Variants in CYFIP1 observed in about 807,000 individuals in gnomAD.
CYFIP1 encodes cytoplasmic FMR1 interacting protein 1.
Under a neutral mutation model 163.5 loss-of-function variants are expected in CYFIP1, and 58 were observed. The observed-to-expected ratio is 0.35, with a 90% CI of 0.29 to 0.44. The LOEUF (loss-of-function observed/expected upper bound fraction) is 0.44. Ranked by LOEUF, CYFIP1 falls within the 20% of genes least tolerant of loss-of-function variation. The probability of loss-of-function intolerance (pLI) is 1.00; values close to 1 mark genes in which losing one functional copy is unlikely to be tolerated. For missense variants in CYFIP1, 1,338 were observed against 1,653.8 expected, an observed-to-expected ratio of 0.81 and a Z score of 3.31; for synonymous variants, 663 against 660.7, an observed-to-expected ratio of 1.00 and a Z score of -0.05.
At chr15:22,913,605 T>TTA (rs1262181085) in intron 17 of CYFIP1, among the ~76,000 whole-genome samples, 7 of 66,994 alleles carry the variant, frequency 1.0e-4, no homozygotes, top group African/African-American at 4.2e-4. Context: ...TAGACAGCAT[T>TTA]AAAAAAAAAA....
chr15:22,951,484 G>A, intron 1 of CYFIP1: 1 of 1,289,034 alleles, frequency 7.8e-7, no homozygotes, highest in Middle Eastern at 2.4e-4. Flanking sequence ...GCCGCTCGGA[G>A]GGGCCAGGCT....
In CYFIP1 at chr15:22,874,733, T is replaced by C. The variant is rs932917833; in HGVS notation, c.3116-89A>G. On this transcript the variant is annotated intron_variant, in intron 27 of 30. Transcript: ENST00000617928. ...TTACATTTGTTTAAAAAACAAAAGA[T>C]TTTTAAGTTAACATTATGGATACAG... 3 of 848,724 alleles carry C rather than the reference T, an allele frequency of 3.5e-6. No homozygotes were observed. In the African/African-American group the frequency reaches 5.3e-5, roughly 15 times the overall value. 52.6% of individuals were successfully genotyped at this position (848,724 alleles called of 1,614,324 possible). A position where few individuals can be genotyped will look rare whatever the true frequency, so the allele number is the denominator to read the frequency against.
Position 22,883,135 on chromosome 15 carries a change from A to G in CYFIP1, c.2677-124T>C, listed in dbSNP as rs1421212106. On this transcript the variant is annotated intron_variant, in intron 23 of 30. Coordinates refer to ENST00000617928, the MANE Select transcript of CYFIP1 (RefSeq NM_014608.6). Reference sequence around the variant, plus strand: ...AGCGGGTCTGAGTCTACTGACTTGTAAAATCTACTGCCCTTAACTGGTACA... The same window carrying G: ...AGCGGGTCTGAGTCTACTGACTTGTGAAATCTACTGCCCTTAACTGGTACA... The G allele has an allele frequency of 2.2e-5, 25 of 1,123,670 alleles. No individual in the cohort carries two copies. The Middle Eastern group carries it at 6.6e-4, about 30-fold the overall frequency. 69.6% of individuals were successfully genotyped at this position (1,123,670 alleles called of 1,614,324 possible). A position where few individuals can be genotyped will look rare whatever the true frequency, so the allele number is the denominator to read the frequency against.
chr15:22,924,437 GGAAAATTATGCTAAGT>G (rs1299269183), intron 13 of CYFIP1, among the ~76,000 whole-genome samples: 1 of 151,956 alleles, frequency 6.6e-6, no homozygotes, highest in East Asian at 1.9e-4. Context: ...AAAAATAAAA[GGAAAATTATGCTAAGT>G]GAAAATTATG....
intron 27 of CYFIP1, among the ~76,000 whole-genome samples, chr15:22,874,902 T>G (rs1200795337): frequency 6.6e-6 from 1 of 152,178 alleles, no homozygotes; most frequent in African/African-American, 2.4e-5. Context: ...ACAATGAGCC[T>G]GTACCCATCA....
intron 1 of CYFIP1, among the ~76,000 whole-genome samples, chr15:22,962,012 C>T (rs977779483): frequency 1.3e-5 from 2 of 152,176 alleles, no homozygotes; most frequent in Admixed American, 6.5e-5. Context: ...AGTTTCTAAT[C>T]ATAGCCCCAG....
chr15:22,955,466 G>A (rs1331711519), intron 1 of CYFIP1, among the ~76,000 whole-genome samples: 2 of 152,222 alleles, frequency 1.3e-5, no homozygotes, highest in African/African-American at 4.8e-5. Flanking sequence ...CAGGACAGAG[G>A]CAGCATGGAG....
At chr15:22,877,979 C>A (rs547627592) in intron 26 of CYFIP1, among the ~76,000 whole-genome samples, 3 of 152,348 alleles carry the variant, frequency 2.0e-5, no homozygotes, top group Admixed American at 6.5e-5. Flanking sequence ...TCCCCAGAGG[C>A]CTGGCAGTCT....
At chr15:22,912,107 T>C (rs2060804797) in intron 18 of CYFIP1, 72 bp downstream of exon 18, 1 of 1,349,030 alleles carries the variant, frequency 7.4e-7, no homozygotes, top group Non-Finnish European at 1.0e-6. Context: ...GTTGAATACT[T>C]GGGAGAAAAC....
rs983909237 is a variant in CYFIP1 at position 22,882,955 on chromosome 15, A to G, written c.2733T>C (p.Pro911=). Residue 911 remains proline, a synonymous_variant, in exon 24 of 31, where the codon CCT becomes CCC. Coordinates refer to ENST00000617928, the MANE Select transcript of CYFIP1 (RefSeq NM_014608.6). ...IYGSYRNFVG[P]PHFQVICRLL... ...GCCGGCAGATGACTTGAAAGTGTGG[A>G]GGTCCCACGAAGTTCCGGTAGCTGC... is the stretch of plus-strand genomic sequence containing the variant. 28 of 1,613,932 alleles carry G rather than the reference A, an allele frequency of 1.7e-5. No homozygotes were observed. The Admixed American group carries it at 3.7e-4, about 21-fold the overall frequency.
intron 21 of CYFIP1, 147 bp from the exon 22 acceptor site, chr15:22,904,052 C>A: frequency 2.8e-6 from 2 of 706,390 alleles, no homozygotes; most frequent in Non-Finnish European, 4.7e-6. Context: ...TGACAGGTGA[C>A]ATGAGCTTGC....
At chr15:22,954,905 T>A (rs1392982466) in intron 1 of CYFIP1, among the ~76,000 whole-genome samples, 1 of 152,190 alleles carries the variant, frequency 6.6e-6, no homozygotes, top group Non-Finnish European at 1.5e-5. Flanking sequence ...GAGTGTCTCA[T>A]GGGTCGGGAT....
At chr15:22,939,964 C>T (rs2061844180) in intron 6 of CYFIP1, among the ~76,000 whole-genome samples, 1 of 152,208 alleles carries the variant, frequency 6.6e-6, no homozygotes, top group Admixed American at 6.5e-5. Flanking sequence ...CACACCTCCC[C>T]AGGCCACCTC....
rs577510670 is a variant in CYFIP1, at chr15:22,927,424, A to C, written c.1233+482T>G. Among the ~76,000 whole-genome samples the C allele has an allele frequency of 1.7e-4, 25 of 147,670 alleles. No homozygotes were observed. The East Asian group carries it at 3.9e-3, about 23-fold the overall frequency. ...CTTGAACCCAGGAGGCAGAGGTTGC[A>C]GTGAGCCGAGATCACGCCATTGCAC... On this transcript the variant is annotated intron_variant, in intron 12 of 30. Transcript: ENST00000617928.
intron 14 of CYFIP1, among the ~76,000 whole-genome samples, chr15:22,918,437 G>A (rs968071691): frequency 3.9e-5 from 6 of 152,106 alleles, no homozygotes; most frequent in African/African-American, 7.2e-5. Context: ...CAGGCACCGC[G>A]AGCCTGGGAT....
intron 10 of CYFIP1, among the ~76,000 whole-genome samples, chr15:22,933,376 G>A (rs576209487): frequency 4.7e-5 from 7 of 150,252 alleles, no homozygotes; most frequent in African/African-American, 1.2e-4. Flanking sequence ...GTGCAGTGGC[G>A]CGATCTCTGC....
At chr15:22,980,442 G>C (rs1353370871), upstream of CYFIP1, 2 of 152,092 alleles carry the variant, frequency 1.3e-5, no homozygotes, top group Non-Finnish European at 1.5e-5. Context: ...CTTCCTCCCG[G>C]CGCTCCTCCC....
At chr15:22,902,516 T>A (rs2060428718) in intron 22 of CYFIP1, among the ~76,000 whole-genome samples, 2 of 152,252 alleles carry the variant, frequency 1.3e-5, no homozygotes, top group Non-Finnish European at 2.9e-5. Flanking sequence ...CATTTTTCTA[T>A]AATTTTGATA....
intron 1 of CYFIP1, among the ~76,000 whole-genome samples, chr15:22,952,708 T>G (rs917965122): frequency 1.0e-4 from 14 of 139,542 alleles, no homozygotes; most frequent in Non-Finnish European, 1.5e-4. Flanking sequence ...ATGTTATGCA[T>G]GCATATTTTA....
Sources: gnomAD v4.1 joint callset for allele counts (sites outside exome capture counted in the v4.1 genomes callset) on GRCh38, gnomAD v4.1.1 for gene constraint, MANE v1.5 for transcripts, NCBI Gene and HGNC (gene_info 2026-07-23, HGNC 2026-07-21) for gene names.